The following TMTC2 variants were observed in gnomAD, a reference collection of about 807,000 sequenced individuals.
TMTC2 encodes transmembrane O-mannosyltransferase targeting cadherins 2, also known as protein O-mannosyl-transferase TMTC2.
Under a neutral mutation model 82.4 loss-of-function variants are expected in TMTC2, and 43 were observed. The observed-to-expected ratio is 0.52, with a 90% CI of 0.41 to 0.67. The LOEUF (loss-of-function observed/expected upper bound fraction) is 0.67. TMTC2 is among the 30% of genes least tolerant of loss of function. The pLI is 0.00. For missense variants in TMTC2, 919 were observed against 1,012.4 expected (o/e 0.91, Z 1.25); for synonymous variants, 408 against 381.9 (o/e 1.07, Z -0.80).
At chr12:82,699,032 T>C (rs1180626032) in intron 1 of TMTC2, among the ~76,000 whole-genome samples, 1 of 152,182 alleles carries the variant, frequency 6.6e-6, no homozygotes, top group Non-Finnish European at 1.5e-5. Flanking sequence ...TGGACCATAG[T>C]TGACCATGGG....
chr12:82,924,113 G>A (rs1875561890), intron 3 of TMTC2, among the ~76,000 whole-genome samples: 1 of 152,184 alleles, frequency 6.6e-6, no homozygotes, highest in Admixed American at 6.5e-5. Context: ...CTCTGTCAAT[G>A]CCCTTCAGCC....
chr12:82,688,065 A>G (rs1872413533), intron 1 of TMTC2, among the ~76,000 whole-genome samples: 1 of 152,222 alleles, frequency 6.6e-6, no homozygotes, highest in Non-Finnish European at 1.5e-5. Flanking sequence ...GATCCCTGAT[A>G]GATCCTCCCT....
intron 11 of TMTC2, among the ~76,000 whole-genome samples, chr12:83,065,693 C>T (rs1214567825): frequency 2.0e-5 from 3 of 151,722 alleles, no homozygotes; most frequent in Non-Finnish European, 2.9e-5. Context: ...AAATAGACAA[C>T]AGTCTTCTCT....
At chr12:82,970,445 C>T (rs1350190585) in intron 7 of TMTC2, among the ~76,000 whole-genome samples, 1 of 151,702 alleles carries the variant, frequency 6.6e-6, no homozygotes, top group South Asian at 2.1e-4. Flanking sequence ...CATTCTCCTG[C>T]CTCAGCCTCC....
intron 3 of TMTC2, among the ~76,000 whole-genome samples, chr12:82,912,055 A>G (rs911965444): frequency 6.6e-6 from 1 of 152,210 alleles, no homozygotes; most frequent in Non-Finnish European, 1.5e-5. Context: ...CTCTCAGCCC[A>G]TTCTTTCAGT....
At chr12:82,767,410 C>A (rs1476869694) in intron 1 of TMTC2, among the ~76,000 whole-genome samples, 1 of 152,028 alleles carries the variant, frequency 6.6e-6, no homozygotes, top group Admixed American at 6.6e-5. Context: ...ATAGTGAGAT[C>A]CTGTGTTTAC....
chr12:82,741,639 T>C (rs535960824), intron 1 of TMTC2, among the ~76,000 whole-genome samples: 8 of 152,194 alleles, frequency 5.3e-5, no homozygotes, highest in Non-Finnish European at 8.8e-5. Context: ...TTTACCAATC[T>C]GACCTTCTTT....
At chr12:82,777,111 A>G (rs1877638978) in intron 1 of TMTC2, among the ~76,000 whole-genome samples, 1 of 152,160 alleles carries the variant, frequency 6.6e-6, no homozygotes, top group Admixed American at 6.5e-5. Flanking sequence ...GGAGTTGAAC[A>G]TGAAGTCTCT....
At chr12:83,037,435 A>G (rs11115557) in intron 9 of TMTC2, among the ~76,000 whole-genome samples, 60,594 of 152,072 alleles carry the variant, frequency 0.4, 12,118 homozygotes, top group South Asian at 0.46. Context: ...TTAAAAATGA[A>G]AATAGATTTT....
intron 4 of TMTC2, among the ~76,000 whole-genome samples, chr12:82,946,256 A>G (rs759984102): frequency 6.6e-6 from 1 of 152,196 alleles, no homozygotes; most frequent in Non-Finnish European, 1.5e-5. Flanking sequence ...AGCTTCACCA[A>G]AGCATTGTTT....
chr12:82,976,226 C>T (rs1199917560), intron 7 of TMTC2, among the ~76,000 whole-genome samples: 2 of 151,912 alleles, frequency 1.3e-5, no homozygotes, highest in Admixed American at 6.6e-5. Context: ...GCCCGGAGAA[C>T]TTCAGGATCC....
intron 8 of TMTC2, among the ~76,000 whole-genome samples, chr12:83,019,054 T>C (rs1880800781): frequency 6.6e-6 from 1 of 152,138 alleles, no homozygotes; most frequent in Admixed American, 6.6e-5. Flanking sequence ...AAGACTCAGC[T>C]TAAAGAATTC....
intron 11 of TMTC2, among the ~76,000 whole-genome samples, chr12:83,085,468 A>T (rs1446187579): frequency 6.6e-6 from 1 of 152,230 alleles, no homozygotes; most frequent in African/African-American, 2.4e-5. Flanking sequence ...TTTGAAACCC[A>T]GCTTATAAAA....
At chr12:82,784,930 T>G (rs2137014256) in intron 1 of TMTC2, among the ~76,000 whole-genome samples, 1 of 152,222 alleles carries the variant, frequency 6.6e-6, no homozygotes, top group African/African-American at 2.4e-5. Flanking sequence ...TTCCAAAGGC[T>G]TTAGAATTTT....
chr12:82,805,657 G>A (rs1879211407), intron 1 of TMTC2, among the ~76,000 whole-genome samples: 1 of 151,544 alleles, frequency 6.6e-6, no homozygotes, highest in South Asian at 2.1e-4. Context: ...ATAGGCACCT[G>A]GCACCACGCC....
intron 11 of TMTC2, among the ~76,000 whole-genome samples, chr12:83,082,371 A>G (rs1883499928): frequency 7.2e-6 from 1 of 139,140 alleles, no homozygotes; most frequent in African/African-American, 2.5e-5. Context: ...TCCCTTAAGG[A>G]AGGACCATGG....
chr12:82,826,503 TAAA>T (rs529421980), intron 1 of TMTC2, among the ~76,000 whole-genome samples: 1 of 152,062 alleles, frequency 6.6e-6, no homozygotes, highest in Non-Finnish European at 1.5e-5. Context: ...ATGGTGTGCT[TAAA>T]AAAAAGATAT....
intron 1 of TMTC2, among the ~76,000 whole-genome samples, chr12:82,823,339 A>G (rs564603134): frequency 9.8e-4 from 149 of 152,276 alleles, no homozygotes; most frequent in African/African-American, 3.3e-3. Context: ...GAGCTTGTCT[A>G]TGGATAGGAA....
chr12:82,704,248 T>C (rs1873235056), intron 1 of TMTC2, among the ~76,000 whole-genome samples: 1 of 152,196 alleles, frequency 6.6e-6, no homozygotes, highest in Non-Finnish European at 1.5e-5. Flanking sequence ...TTTTATTTCT[T>C]TTTCTGTCAT....
Sources: allele counts gnomAD v4.1 joint callset (sites outside exome capture counted in the v4.1 genomes callset), GRCh38; gene constraint gnomAD v4.1.1; transcripts MANE v1.5; gene names NCBI Gene and HGNC (gene_info 2026-07-23, HGNC 2026-07-21).